The following GNA14 variants were observed in gnomAD, a reference collection of about 807,000 sequenced individuals.
The protein encoded by GNA14 is guanine nucleotide-binding protein subunit alpha-14.
GNA14 carries 50 observed loss-of-function variants against 42.0 expected under a neutral mutation model. The observed-to-expected ratio is 1.19, with a 90% CI of 0.95 to 1.51. GNA14 has a LOEUF of 1.51. Ranked by LOEUF, GNA14 falls within the 40% of genes most tolerant of loss-of-function variation. The probability of loss-of-function intolerance (pLI) is 0.00; values close to 1 mark genes in which losing one functional copy is unlikely to be tolerated. For synonymous variants in GNA14, 173 were observed against 163.1 expected, an observed-to-expected ratio of 1.06 and a Z score of -0.46; for missense variants, 473 against 446.2, an observed-to-expected ratio of 1.06 and a Z score of -0.54.
chr9:77,591,241 C>T (rs1823386494), intron 1 of GNA14, among the ~76,000 whole-genome samples: 1 of 152,202 alleles, frequency 6.6e-6, no homozygotes, highest in Non-Finnish European at 1.5e-5. Flanking sequence ...GGATTACAGG[C>T]ATGAGCCACC....
At chr9:77,577,942 G>A (rs76466060) in intron 1 of GNA14, among the ~76,000 whole-genome samples, 5,814 of 152,142 alleles carry the variant, frequency 0.038, 410 homozygotes, top group African/African-American at 0.13. Context: ...GTCAAGGGTC[G>A]TGGAGTGAAA....
At chr9:77,579,241 C>G (rs1823177245) in intron 1 of GNA14, among the ~76,000 whole-genome samples, 1 of 152,174 alleles carries the variant, frequency 6.6e-6, no homozygotes, top group Non-Finnish European at 1.5e-5. Flanking sequence ...TGTGAAGGAG[C>G]AGAGCAGGTG....
At chr9:77,583,375 G>C (rs1299144565) in intron 1 of GNA14, among the ~76,000 whole-genome samples, 3 of 152,186 alleles carry the variant, frequency 2.0e-5, no homozygotes, top group Non-Finnish European at 4.4e-5. Flanking sequence ...AAAAGCTCTG[G>C]CAACAGAAAA....
intron 2 of GNA14, among the ~76,000 whole-genome samples, chr9:77,482,807 G>A (rs550260011): frequency 1.3e-3 from 201 of 150,986 alleles, no homozygotes; most frequent in African/African-American, 4.1e-3. Context: ...CATTCATTTC[G>A]TCTTCCATCA....
At chr9:77,619,421 A>T (rs1008767549) in intron 1 of GNA14, among the ~76,000 whole-genome samples, 2 of 152,000 alleles carry the variant, frequency 1.3e-5, no homozygotes, top group African/African-American at 4.8e-5. Context: ...GGCTGGTCTC[A>T]AACTCCTGAT....
intron 2 of GNA14, among the ~76,000 whole-genome samples, chr9:77,476,589 C>T (rs1372902999): frequency 6.6e-6 from 1 of 152,200 alleles, no homozygotes; most frequent in African/African-American, 2.4e-5. Flanking sequence ...CCTCTTACAA[C>T]TGGTGACTTC....
chr9:77,509,160 A>C lies in GNA14; in HGVS notation c.309+19909T>G, dbSNP rs945600536. On this transcript the variant is annotated intron_variant, in intron 2 of 6. Coordinates refer to ENST00000341700, the MANE Select transcript of GNA14 (RefSeq NM_004297.4). ...ACCATTCTACTTTCTGTCTCTATGA[A>C]TTTAACTACACTAGGTACCTCATAT... 3.3e-5 allele frequency among the ~76,000 whole-genome samples: 5 copies of C among 152,132 alleles called. No homozygotes were observed. In the South Asian group the frequency reaches 1.0e-3, roughly 32 times the overall value.
intron 1 of GNA14, among the ~76,000 whole-genome samples, chr9:77,535,654 T>C (rs1004617825): frequency 2.0e-5 from 3 of 152,164 alleles, no homozygotes; most frequent in African/African-American, 7.2e-5. Context: ...CAGCATCCAA[T>C]GAGGGAGACG....
At chr9:77,515,983 A>AAAAAAAAAAAAC (rs1276481734) in intron 2 of GNA14, among the ~76,000 whole-genome samples, 23 of 145,440 alleles carry the variant, frequency 1.6e-4, no homozygotes, top group East Asian at 1.3e-3. Context: ...AAAAAAAAAA[A>AAAAAAAAAAAAC]CCCAGAGCAG....
chr9:77,482,163 G>A (rs1348172767), intron 2 of GNA14, among the ~76,000 whole-genome samples: 1 of 152,116 alleles, frequency 6.6e-6, no homozygotes, highest in African/African-American at 2.4e-5. Flanking sequence ...TTTACATTTT[G>A]GCATGTTTTT....
chr9:77,452,549 AGTGTGT>A (rs200313599), intron 2 of GNA14, among the ~76,000 whole-genome samples: 6,257 of 54,998 alleles, frequency 0.11, 261 homozygotes, highest in Middle Eastern at 0.21. Flanking sequence ...ACTGCACACA[AGTGTGT>A]GTGTGTGTGT....
intron 2 of GNA14, among the ~76,000 whole-genome samples, chr9:77,515,693 G>A (rs1837242821): frequency 6.6e-6 from 1 of 152,184 alleles, no homozygotes; most frequent in South Asian, 2.1e-4. Context: ...GCCAGTTTCT[G>A]TGGCTCACGT....
rs1312179941 is a variant in GNA14, at chr9:77,429,032, C to G, written c.598G>C (p.Val200Leu). 1.9e-6 allele frequency: 3 copies of G among 1,613,956 alleles called. No individual in the cohort carries two copies. The South Asian group carries it at 3.3e-5, about 18-fold the overall frequency. ...TCCGATCGTTGGCCACCAACATCCA[C>G]CATCCTGTTGTGTAGAAACACAGAT... is the stretch of plus-strand genomic sequence containing the variant. Reference protein sequence around the residue: ...FDLENIIFRMVDVGGQRSERR... With the variant: ...FDLENIIFRMLDVGGQRSERR... The change falls in exon 5 of 7, where the codon GTG (valine) becomes CTG (leucine). Residue 200 changes from valine (V) to leucine (L), a missense_variant. By Grantham distance (32) the Val-to-Leu change is conservative. Coordinates refer to ENST00000341700, the MANE Select transcript of GNA14 (RefSeq NM_004297.4).
At chr9:77,555,382 C>G (rs1315547047) in intron 1 of GNA14, among the ~76,000 whole-genome samples, 1 of 152,068 alleles carries the variant, frequency 6.6e-6, no homozygotes, top group Non-Finnish European at 1.5e-5. Context: ...TGGCATGGGC[C>G]ATTCCCAGCT....
chr9:77,567,420 C>T (rs1822983745), intron 1 of GNA14, among the ~76,000 whole-genome samples: 1 of 152,152 alleles, frequency 6.6e-6, no homozygotes, highest in Admixed American at 6.5e-5. Flanking sequence ...TAACTATCAT[C>T]CTGGAGTGAA....
chr9:77,547,671 T>C (rs1355571936), intron 1 of GNA14, among the ~76,000 whole-genome samples: 2 of 152,222 alleles, frequency 1.3e-5, no homozygotes, highest in African/African-American at 4.8e-5. Flanking sequence ...GAGCCTATCC[T>C]TGCTGGAATC....
At chr9:77,517,780 T>C (rs566572791) in intron 2 of GNA14, among the ~76,000 whole-genome samples, 1 of 151,600 alleles carries the variant, frequency 6.6e-6, no homozygotes, top group African/African-American at 2.4e-5. Context: ...AATTTTTATA[T>C]TTTTTGTAGA....
chr9:77,450,192 G>A (rs549337974), intron 2 of GNA14, among the ~76,000 whole-genome samples: 1 of 152,132 alleles, frequency 6.6e-6, no homozygotes, highest in Non-Finnish European at 1.5e-5. Context: ...TCATGGTCAT[G>A]GTCTTGACTC....
At chr9:77,534,744 C>G (rs1837573683) in intron 1 of GNA14, among the ~76,000 whole-genome samples, 1 of 152,194 alleles carries the variant, frequency 6.6e-6, no homozygotes, top group African/African-American at 2.4e-5. Flanking sequence ...AGCAGGTTGG[C>G]TCTCTAAGGA....
Sources: gnomAD v4.1 joint callset for allele counts (sites outside exome capture counted in the v4.1 genomes callset) on GRCh38, gnomAD v4.1.1 for gene constraint, MANE v1.5 for transcripts, NCBI Gene and HGNC (gene_info 2026-07-23, HGNC 2026-07-21) for gene names.